Variants in TSNARE1 observed in about 807,000 individuals in gnomAD.
TSNARE1 encodes t-SNARE domain-containing protein 1.
Under a neutral mutation model 62.0 loss-of-function variants are expected in TSNARE1, and 49 were observed. The ratio of observed to expected loss-of-function variants is 0.79; its 90% CI spans 0.63 to 1.00. The LOEUF (loss-of-function observed/expected upper bound fraction) is 1.00. TSNARE1 is among the 50% of genes least tolerant of loss of function. The pLI, the probability that TSNARE1 is intolerant of heterozygous loss-of-function variation, is 0.00. For synonymous variants in TSNARE1, 328 were observed against 294.4 expected (o/e 1.11, Z -1.17); for missense variants, 755 against 700.1 (o/e 1.08, Z -0.88).
intron 10 of TSNARE1, among the ~76,000 whole-genome samples, chr8:142,290,985 T>C (rs1304957722): frequency 6.6e-6 from 1 of 152,134 alleles, no homozygotes; most frequent in African/African-American, 2.4e-5. Flanking sequence ...AGACACCAGC[T>C]CTGGACCAGT....
At chr8:142,296,675 C>T (rs1375094438) in intron 10 of TSNARE1, among the ~76,000 whole-genome samples, 2 of 151,892 alleles carry the variant, frequency 1.3e-5, no homozygotes, top group East Asian at 1.9e-4. Context: ...CTAGGGCAGT[C>T]GAGGGCAGTG....
Position 142,345,738 on chromosome 8 carries a change from A to T in TSNARE1, c.238+5T>A. 1.3e-6 allele frequency: 2 copies of T among 1,592,848 alleles called. No individual in the cohort carries two copies. The highest frequency in any genetic ancestry group is 8.6e-7 in the Non-Finnish European group (1 of 1,168,418). On this transcript the variant is annotated splice_donor_5th_base_variant and intron_variant, in intron 3 of 13. Coordinates refer to ENST00000524325, the MANE Select transcript of TSNARE1 (RefSeq NM_145003.5). The stretch of plus-strand genomic sequence containing the variant: ...CCCCTGAGACCCAGCGTCTGAGTGA[A>T]GTACCTCGCTTCCTGGCCCTTGGGA...
chr8:142,242,524 T>G (rs1239419266), intron 12 of TSNARE1, among the ~76,000 whole-genome samples: 2 of 152,184 alleles, frequency 1.3e-5, no homozygotes, highest in Middle Eastern at 3.4e-3. Flanking sequence ...ACCTGATAAG[T>G]GGTTAAAATT....
chr8:142,272,873 C>T (rs1385337092), intron 12 of TSNARE1: 4 of 983,894 alleles, frequency 4.1e-6, no homozygotes, highest in South Asian at 4.7e-5. Context: ...ATGCCTCAAC[C>T]CTCCTGACAC....
intron 12 of TSNARE1, chr8:142,273,121 G>C: frequency 1.0e-6 from 1 of 985,424 alleles, no homozygotes; most frequent in Non-Finnish European, 1.2e-6. Flanking sequence ...AGGCTCACTG[G>C]GAATGCGGCA....
At chr8:142,279,700 G>A (rs1586981873) in intron 11 of TSNARE1, among the ~76,000 whole-genome samples, 1 of 152,150 alleles carries the variant, frequency 6.6e-6, no homozygotes, top group Non-Finnish European at 1.5e-5. Flanking sequence ...AAGAAGAGAT[G>A]GGCCAGGAGG....
intron 4 of TSNARE1, among the ~76,000 whole-genome samples, chr8:142,334,727 G>GA (rs1831519960): frequency 1.3e-5 from 2 of 152,148 alleles, no homozygotes; most frequent in Non-Finnish European, 2.9e-5. Flanking sequence ...TCATGAGGAA[G>GA]AAAAAACATA....
In TSNARE1 at chr8:142,315,643, G is replaced by A. The variant is rs1344584369; in HGVS notation, c.985-551C>T. On this transcript the variant is annotated intron_variant, in intron 7 of 13. Transcript: ENST00000524325. ...AGCCGGGGTGGGGCTGGACACGCAC[G>A]GAGCCGGGGTGGGGCTGGACACGCA... 3.9e-5 allele frequency among the ~76,000 whole-genome samples: 6 copies of A among 152,068 alleles called. No individual in the cohort carries two copies. In the East Asian group the frequency reaches 5.8e-4, roughly 15 times the overall value.
At chr8:142,273,888 C>T (rs986362122) in intron 12 of TSNARE1, 5 of 985,190 alleles carry the variant, frequency 5.1e-6, no homozygotes, top group African/African-American at 1.7e-5. Context: ...GATGTGGCTC[C>T]TCTCTCGTCA....
intron 12 of TSNARE1, chr8:142,274,410 C>G: frequency 1.0e-6 from 1 of 985,486 alleles, no homozygotes; most frequent in Non-Finnish European, 1.2e-6. Flanking sequence ...ACAAAGTCCC[C>G]TCTGCAGTTC....
At chr8:142,300,696 C>A in intron 9 of TSNARE1, 52 bp from the exon 10 acceptor site, 1 of 1,562,628 alleles carries the variant, frequency 6.4e-7, no homozygotes. Flanking sequence ...ATTACCACCA[C>A]AACCCAGGCC....
intron 12 of TSNARE1, among the ~76,000 whole-genome samples, chr8:142,252,287 G>A (rs1818214868): frequency 6.6e-6 from 1 of 152,188 alleles, no homozygotes; most frequent in South Asian, 2.1e-4. Context: ...CGTAATGCAT[G>A]GGTTGCGGGT....
chr8:142,344,563 G>T, intron 3 of TSNARE1, 91 bp from the exon 4 acceptor site: 1 of 1,332,582 alleles, frequency 7.5e-7, no homozygotes, highest in Non-Finnish European at 9.8e-7. Flanking sequence ...CTCCTCTCTG[G>T]TTTCTGCTTC....
chr8:142,216,554 C>T (rs1815847474), intron 13 of TSNARE1, among the ~76,000 whole-genome samples: 1 of 152,166 alleles, frequency 6.6e-6, no homozygotes, highest in African/African-American at 2.4e-5. Flanking sequence ...CGGCCTGGCA[C>T]AGCAGCATAG....
At chr8:142,287,954 G>C (rs1012012267) in intron 10 of TSNARE1, among the ~76,000 whole-genome samples, 3 of 152,242 alleles carry the variant, frequency 2.0e-5, no homozygotes, top group Non-Finnish European at 2.9e-5. Flanking sequence ...GGGGATCGTG[G>C]GGCTCCCTTC....
At chr8:142,371,508 TAA>T (rs1341399172) in intron 1 of TSNARE1, among the ~76,000 whole-genome samples, 1 of 152,178 alleles carries the variant, frequency 6.6e-6, no homozygotes, top group African/African-American at 2.4e-5. Flanking sequence ...TTATTGTATA[TAA>T]ATTATACTTC....
At position 142,262,043 on chromosome 8, in the gene TSNARE1, C is replaced by T. The variant is rs558812250; in HGVS notation, c.1446+12738G>A. On this transcript the variant is annotated intron_variant, in intron 12 of 13. Coordinates refer to ENST00000524325, the MANE Select transcript of TSNARE1 (RefSeq NM_145003.5). ...TCTCACAGGCTCATGAAGCTGCTCA[C>T]GCCAACCTGCTCATGGTAACAAGAC... is the stretch of plus-strand genomic sequence containing the variant. Among the ~76,000 whole-genome samples, 14 of 152,330 alleles carry T rather than the reference C, an allele frequency of 9.2e-5. No homozygotes were observed. The East Asian group carries it at 1.7e-3, about 19-fold the overall frequency.
rs191445853 is a variant in TSNARE1, at chr8:142,251,779, C to T, written c.1447-22200G>A. Among the ~76,000 whole-genome samples, 624 of 148,660 alleles carry T rather than the reference C, an allele frequency of 4.2e-3. 6 individuals carry two copies. The highest frequency in any genetic ancestry group is 0.015 in the African/African-American group (598 of 40,074). ...GCCCGGGCACCATGTACCCGCCGCCCACGTTCTCTGTCTTCAGGGCCCGGG... is the reference window on the plus strand; with the variant it reads ...GCCCGGGCACCATGTACCCGCCGCCTACGTTCTCTGTCTTCAGGGCCCGGG... On this transcript the variant is annotated intron_variant, in intron 12 of 13. Transcript: ENST00000524325.
At chr8:142,370,848 CA>C (rs57904767) in intron 1 of TSNARE1, among the ~76,000 whole-genome samples, 171 of 131,038 alleles carry the variant, frequency 1.3e-3, no homozygotes, top group African/African-American at 1.6e-3. Context: ...AAACAAAAAA[CA>C]AAAAAAAAAA....
Sources: allele counts gnomAD v4.1 joint callset (sites outside exome capture counted in the v4.1 genomes callset), GRCh38; gene constraint gnomAD v4.1.1; transcripts MANE v1.5; gene names NCBI Gene and HGNC (gene_info 2026-07-23, HGNC 2026-07-21).